DLG1: variants seen among roughly 807,000 people sequenced by gnomAD.
DLG1 encodes the protein disks large homolog 1.
Under a neutral mutation model 123.4 loss-of-function variants are expected in DLG1, and 42 were observed. The observed-to-expected ratio is 0.34, with a 90% CI of 0.27 to 0.44. DLG1 has a LOEUF of 0.44. Ranked by LOEUF, DLG1 falls within the 20% of genes least tolerant of loss-of-function variation. DLG1 has a pLI of 1.00. For missense variants in DLG1, 942 were observed against 1,082.6 expected (o/e 0.87, Z 1.82); for synonymous variants, 317 against 356.2 (o/e 0.89, Z 1.24).
intron 5 of DLG1, among the ~76,000 whole-genome samples, chr3:197,164,569 C>A (rs1800358175): frequency 6.6e-6 from 1 of 151,740 alleles, no homozygotes; most frequent in African/African-American, 2.4e-5. Flanking sequence ...ATTTGAAATA[C>A]CCAAAGGTGT....
At chr3:197,046,390 C>A (rs1367887851) in intron 24 of DLG1, among the ~76,000 whole-genome samples, 1 of 152,186 alleles carries the variant, frequency 6.6e-6, no homozygotes, top group African/African-American at 2.4e-5. Flanking sequence ...AGGCTGCAGA[C>A]ACCTTAACCA....
Position 197,289,882 on chromosome 3 carries a change from T to C in DLG1, c.151+6464A>G, listed in dbSNP as rs967981804. Reference sequence around the variant, plus strand: ...GCAAAAATAAATCACTTGAATACTTTAGATACTATTAGACTAAGAATCATA... The same window carrying C: ...GCAAAAATAAATCACTTGAATACTTCAGATACTATTAGACTAAGAATCATA... On this transcript the variant is annotated intron_variant, in intron 3 of 24. Coordinates refer to ENST00000667157, the MANE Select transcript of DLG1 (RefSeq NM_001366207.1). 2.0e-5 allele frequency among the ~76,000 whole-genome samples: 3 copies of C among 152,356 alleles called. No individual in the cohort carries two copies. In the South Asian group the frequency reaches 6.2e-4, roughly 32 times the overall value.
intron 6 of DLG1, among the ~76,000 whole-genome samples, chr3:197,144,784 T>C (rs1323958787): frequency 2.0e-5 from 3 of 152,190 alleles, no homozygotes; most frequent in Non-Finnish European, 4.4e-5. Context: ...TTCTCATCTA[T>C]AGACATTTTC....
chr3:197,072,173 G>T (rs892207632), intron 18 of DLG1, among the ~76,000 whole-genome samples: 1 of 152,020 alleles, frequency 6.6e-6, no homozygotes, highest in African/African-American at 2.4e-5. Context: ...CTTCCCAACT[G>T]TAAGACATTT....
chr3:197,226,078 A>G (rs1023320060), intron 4 of DLG1: 4 of 152,522 alleles, frequency 2.6e-5, no homozygotes, highest in East Asian at 3.9e-4. Context: ...TTCTTTTTAA[A>G]AAAAATTGTA....
chr3:197,066,793 G>A, intron 19 of DLG1, 39 bp from the exon 20 acceptor site: 1 of 1,333,468 alleles, frequency 7.5e-7, no homozygotes, highest in Non-Finnish European at 1.1e-6. Flanking sequence ...AATGTGTAAA[G>A]ATAATTGATG....
At chr3:197,274,289 C>T (rs1322722089) in intron 4 of DLG1, among the ~76,000 whole-genome samples, 1 of 152,060 alleles carries the variant, frequency 6.6e-6, no homozygotes, top group African/African-American at 2.4e-5. Context: ...GAAATAAATC[C>T]ACACATTTAA....
At position 197,044,509 on chromosome 3, in the gene DLG1, T is replaced by A; in HGVS notation, c.*114A>T. 6.6e-6 allele frequency: 4 copies of A among 605,578 alleles called. 1 individual carries two copies. The South Asian group carries it at 9.3e-5, about 14-fold the overall frequency. 37.5% of individuals were successfully genotyped at this position (605,578 alleles called of 1,614,324 possible). On this transcript the variant is annotated 3_prime_UTR_variant, in exon 25 of 25. Coordinates refer to ENST00000667157, the MANE Select transcript of DLG1 (RefSeq NM_001366207.1). ...GAAAAAGAAGCTGCAGACCATGATG[T>A]GTGGGATACAATTCAACATGAAATC...
rs551682552 is a variant in DLG1, at chr3:197,175,655, A to C, written c.483+18770T>G. Among the ~76,000 whole-genome samples, 32 of 152,344 alleles carry C rather than the reference A, an allele frequency of 2.1e-4. No individual in the cohort carries two copies. The South Asian group carries it at 6.6e-3, about 32-fold the overall frequency. On this transcript the variant is annotated intron_variant, in intron 5 of 24. Coordinates refer to ENST00000667157, the MANE Select transcript of DLG1 (RefSeq NM_001366207.1). ...TAACATCTGTTTATTCATTCAACAA[A>C]TATTTATCAAGTGCATTCTCCATGC...
intron 10 of DLG1, among the ~76,000 whole-genome samples, chr3:197,133,555 G>A (rs984354978): frequency 6.6e-6 from 1 of 152,150 alleles, no homozygotes; most frequent in African/African-American, 2.4e-5. Flanking sequence ...ATTTGCTGAG[G>A]GATTTAATGT....
At chr3:197,136,793 A>G in intron 9 of DLG1, 115 bp from the exon 10 acceptor site, 1 of 902,092 alleles carries the variant, frequency 1.1e-6, no homozygotes, top group Non-Finnish European at 1.6e-6. Flanking sequence ...TTAAAATAGA[A>G]AAGAATCTAT....
intron 16 of DLG1, 133 bp downstream of exon 16, chr3:197,085,447 T>C (rs549201721): frequency 2.3e-6 from 2 of 883,636 alleles, no homozygotes; most frequent in African/African-American, 1.7e-5. Context: ...GATTTTTGTC[T>C]TTCTGTGTCT....
At position 197,116,091 on chromosome 3, in the gene DLG1, T is replaced by A; in HGVS notation, c.1287-8A>T. ...ACAACTTTTCTAGGTTCCCTAAAAA[T>A]TAAAAAAAATTGAGTATCTTGGAAA... is the stretch of plus-strand genomic sequence containing the variant. On this transcript the variant is annotated splice_polypyrimidine_tract_variant and splice_region_variant and intron_variant, in intron 12 of 24. Transcript: ENST00000667157. The A allele has an allele frequency of 1.3e-6, 2 of 1,585,288 alleles. No individual in the cohort carries two copies. Among genetic ancestry groups the A allele is most frequent in the African/African-American group, 1.4e-5 (1 of 72,816 alleles).
intron 23 of DLG1, among the ~76,000 whole-genome samples, chr3:197,052,638 A>C (rs2148723269): frequency 6.6e-6 from 1 of 152,326 alleles, no homozygotes; most frequent in East Asian, 1.9e-4. Context: ...AAAATTTCAT[A>C]TTAAAGTGAC....
chr3:197,176,225 C>CT (rs1806998601), intron 5 of DLG1, among the ~76,000 whole-genome samples: 3 of 151,996 alleles, frequency 2.0e-5, no homozygotes, highest in Non-Finnish European at 4.4e-5. Flanking sequence ...TTTTAGTTCC[C>CT]ATATGCCCCC....
intron 4 of DLG1, among the ~76,000 whole-genome samples, chr3:197,217,962 C>T (rs961023311): frequency 2.0e-5 from 3 of 152,090 alleles, no homozygotes; most frequent in African/African-American, 4.8e-5. Flanking sequence ...CCCAGTAATG[C>T]TGATTTTAAA....
chr3:197,143,755 T>A (rs1789256226), intron 6 of DLG1, among the ~76,000 whole-genome samples: 3 of 152,208 alleles, frequency 2.0e-5, no homozygotes, highest in South Asian at 4.1e-4. Flanking sequence ...CTCTTTCCAT[T>A]ACATATCCTG....
intron 5 of DLG1, among the ~76,000 whole-genome samples, chr3:197,154,209 G>A (rs28864162): frequency 0.13 from 20,197 of 151,936 alleles, 1,890 homozygotes; most frequent in African/African-American, 0.26. Context: ...GGCTGAGGCA[G>A]AAGAATCACT....
chr3:197,046,593 C>T (rs966616369), intron 24 of DLG1, among the ~76,000 whole-genome samples: 5 of 152,196 alleles, frequency 3.3e-5, no homozygotes, highest in Non-Finnish European at 5.9e-5. Flanking sequence ...GGTCTTTGGC[C>T]GGGTGCAGTG....
Sources: allele counts gnomAD v4.1 joint callset (sites outside exome capture counted in the v4.1 genomes callset), GRCh38; gene constraint gnomAD v4.1.1; transcripts MANE v1.5; gene names NCBI Gene and HGNC (gene_info 2026-07-23, HGNC 2026-07-21).